The following SLC38A4 variants were observed in gnomAD, a reference collection of about 807,000 sequenced individuals.
The protein encoded by SLC38A4 is sodium-coupled neutral amino acid transporter 4.
Under a neutral mutation model 63.1 loss-of-function variants are expected in SLC38A4, and 20 were observed. That is an observed-to-expected ratio of 0.32 (90% CI 0.22 to 0.46). The LOEUF (loss-of-function observed/expected upper bound fraction) is 0.46. Ranked by LOEUF, SLC38A4 falls within the 20% of genes least tolerant of loss-of-function variation. The probability of loss-of-function intolerance (pLI) is 1.00; values close to 1 mark genes in which losing one functional copy is unlikely to be tolerated. For missense variants in SLC38A4, 526 were observed against 663.6 expected, an observed-to-expected ratio of 0.79 and a Z score of 2.28; for synonymous variants, 230 against 225.5, an observed-to-expected ratio of 1.02 and a Z score of -0.18.
At chr12:46,783,754 A>C (rs1938698762) in intron 7 of SLC38A4, among the ~76,000 whole-genome samples, 1 of 152,050 alleles carries the variant, frequency 6.6e-6, no homozygotes, top group Non-Finnish European at 1.5e-5. Context: ...ATAGAATAGC[A>C]GGTTTAGGGA....
Position 46,787,992 on chromosome 12 carries a change from G to A in SLC38A4, c.250C>T (p.Leu84=). The part of the protein sequence containing the change: ...TTSFGMSSFN[L]SNAIMGSGIL... ...CCACTGCCCATGATGGCATTACTCA[G>A]GTTAAATGAAGACATTCCAAAGGAA... The change falls in exon 5 of 17, where the codon CTG becomes TTG. Residue 84 remains leucine, a synonymous_variant. Coordinates refer to ENST00000266579, the MANE Select transcript of SLC38A4 (RefSeq NM_018018.5). 6.2e-7 allele frequency: 1 copy of A among 1,613,844 alleles called. No homozygotes were observed. The highest frequency in any genetic ancestry group is 8.5e-7 in the Non-Finnish European group (1 of 1,179,810).
intron 2 of SLC38A4, among the ~76,000 whole-genome samples, chr12:46,798,553 GGGC>G (rs1939063614): frequency 6.6e-6 from 1 of 152,150 alleles, no homozygotes; most frequent in Non-Finnish European, 1.5e-5. Context: ...AGGAGCAGCA[GGGC>G]TGAGATCTTT....
At chr12:46,813,159 A>G (rs1004255518) in intron 1 of SLC38A4, among the ~76,000 whole-genome samples, 6 of 151,966 alleles carry the variant, frequency 3.9e-5, no homozygotes, top group Non-Finnish European at 7.4e-5. Context: ...ATAACCTGGG[A>G]GAGTTACAGC....
Position 46,831,556 on chromosome 12 carries a change from G to T in SLC38A4, c.-108+771C>A, listed in dbSNP as rs1939731568. Reference sequence around the variant, plus strand: ...GTAAGCCGCCCTCGGAACCGCTGGCGCAGTTTTCAGACTCGCCCACCGCCC... The same window carrying T: ...GTAAGCCGCCCTCGGAACCGCTGGCTCAGTTTTCAGACTCGCCCACCGCCC... On this transcript the variant is annotated intron_variant, in intron 1 of 6. Coordinates refer to the SLC38A4 transcript ENST00000546940. 3.9e-5 allele frequency among the ~76,000 whole-genome samples: 6 copies of T among 152,182 alleles called. No homozygotes were observed. In the South Asian group the frequency reaches 1.2e-3, roughly 31 times the overall value.
chr12:46,805,675 G>C (rs1283872924), intron 1 of SLC38A4, among the ~76,000 whole-genome samples: 1 of 152,058 alleles, frequency 6.6e-6, no homozygotes, highest in African/African-American at 2.4e-5. Context: ...GCAACATTCA[G>C]TTAGGCTCAT....
intron 5 of SLC38A4, 70 bp from the exon 6 acceptor site, chr12:46,785,247 C>T: frequency 2.5e-6 from 3 of 1,203,484 alleles, no homozygotes; most frequent in Non-Finnish European, 3.7e-6. Context: ...TTAGATGTTA[C>T]AATAAAGGAT....
intron 1 of SLC38A4, among the ~76,000 whole-genome samples, chr12:46,812,483 C>G (rs927419699): frequency 6.6e-6 from 1 of 151,986 alleles, no homozygotes; most frequent in African/African-American, 2.4e-5. Context: ...GACTTTGATT[C>G]AGAAGATCTG....
At chr12:46,807,869 A>G (rs12298652) in intron 1 of SLC38A4, among the ~76,000 whole-genome samples, 1,914 of 143,336 alleles carry the variant, frequency 0.013, 26 homozygotes, top group East Asian at 0.065. Context: ...TGGAAAGAAA[A>G]GAAGAGATAA....
chr12:46,787,874 C>T (rs780681045), intron 5 of SLC38A4, 42 bp downstream of exon 5: 6 of 1,422,572 alleles, frequency 4.2e-6, no homozygotes, highest in Non-Finnish European at 5.9e-6. Flanking sequence ...ACCAGGTATG[C>T]ATGGACTTCA....
At chr12:46,809,051 C>A (rs1939290727) in intron 1 of SLC38A4, among the ~76,000 whole-genome samples, 1 of 151,964 alleles carries the variant, frequency 6.6e-6, no homozygotes, top group Non-Finnish European at 1.5e-5. Flanking sequence ...CTGTCCCTAC[C>A]AGAACAATTT....
At chr12:46,810,990 C>T (rs1349539438) in intron 1 of SLC38A4, among the ~76,000 whole-genome samples, 2 of 151,722 alleles carry the variant, frequency 1.3e-5, no homozygotes, top group African/African-American at 4.8e-5. Context: ...TTGTTTTTTC[C>T]CCATCTGCAA....
chr12:46,831,764 G>A (rs1477065168), intron 1 of SLC38A4, among the ~76,000 whole-genome samples: 2 of 151,560 alleles, frequency 1.3e-5, no homozygotes, highest in Admixed American at 6.6e-5. Flanking sequence ...TGAGGACGCG[G>A]GCGCGGGTCC....
chr12:46,787,833 ATCAAACTTGAGATTGTTAATTGAAAAAG>A, intron 5 of SLC38A4, 55 bp downstream of exon 5: 1 of 990,998 alleles, frequency 1.0e-6, no homozygotes, highest in South Asian at 1.6e-5. Context: ...GTTCACAAAG[ATCAAACTTGAGATTGTTAATTGAAAAAG>A]CCACCAGGTA....
Position 46,780,048 on chromosome 12 carries a change from A to C in SLC38A4, c.494-18T>G. On this transcript the variant is annotated intron_variant, in intron 7 of 16. Transcript: ENST00000266579. The stretch of plus-strand genomic sequence containing the variant: ...TGACATTGCTAAAATGGAAAATGTG[A>C]CAGCTTAATGGTGTGGACAGTACTG... 6.3e-7 allele frequency: 1 copy of C among 1,581,922 alleles called. No individual in the cohort carries two copies. The highest frequency in any genetic ancestry group is 8.7e-7 in the Non-Finnish European group (1 of 1,151,904).
At chr12:46,776,579 TTCATTCTC>T (rs1938529717) in intron 13 of SLC38A4, among the ~76,000 whole-genome samples, 1 of 152,046 alleles carries the variant, frequency 6.6e-6, no homozygotes, top group Non-Finnish European at 1.5e-5. Context: ...TGCAAGTGGA[TTCATTCTC>T]ATCACTTGTA....
intron 5 of SLC38A4, among the ~76,000 whole-genome samples, 166 bp from the exon 6 acceptor site, chr12:46,785,343 C>T (rs1233523931): frequency 6.6e-6 from 1 of 152,032 alleles, no homozygotes; most frequent in African/African-American, 2.4e-5. Flanking sequence ...TCTACACATA[C>T]CCTTTAAAGT....
intron 15 of SLC38A4, among the ~76,000 whole-genome samples, chr12:46,769,058 T>C (rs1938357702): frequency 6.6e-6 from 1 of 152,038 alleles, no homozygotes; most frequent in Non-Finnish European, 1.5e-5. Flanking sequence ...AGTTTCCTCA[T>C]CTATCAGAAA....
intron 1 of SLC38A4, among the ~76,000 whole-genome samples, chr12:46,823,190 A>G (rs539322330): frequency 8.5e-4 from 129 of 152,272 alleles, no homozygotes; most frequent in Middle Eastern, 3.4e-3. Context: ...AGTAAACAGT[A>G]TAAGAGCGGT....
chr12:46,800,262 T>C (rs1036305825), intron 2 of SLC38A4, among the ~76,000 whole-genome samples: 1 of 152,124 alleles, frequency 6.6e-6, no homozygotes, highest in African/African-American at 2.4e-5. Context: ...CCATGACCAC[T>C]ATGTTATTCC....
Sources: allele counts gnomAD v4.1 joint callset (sites outside exome capture counted in the v4.1 genomes callset), GRCh38; gene constraint gnomAD v4.1.1; transcripts MANE v1.5; gene names NCBI Gene and HGNC (gene_info 2026-07-23, HGNC 2026-07-21).